Variants in BMERB1 observed in about 807,000 individuals in gnomAD.
BMERB1 encodes bMERB domain-containing protein 1.
In BMERB1, 12 loss-of-function variants were observed where a neutral mutation model predicts 23.6. That is an observed-to-expected ratio of 0.51 (90% confidence interval 0.33 to 0.82). The LOEUF is 0.82. Ranked by LOEUF, BMERB1 falls within the 40% of genes least tolerant of loss-of-function variation. The pLI, the probability that BMERB1 is intolerant of heterozygous loss-of-function variation, is 0.03. For missense variants in BMERB1, 247 were observed against 255.4 expected (o/e 0.97, Z 0.22); for synonymous variants, 122 against 96.6 (o/e 1.26, Z -1.54).
intron 1 of BMERB1, among the ~76,000 whole-genome samples, chr16:15,443,580 C>T (rs2050959794): frequency 6.6e-6 from 1 of 151,894 alleles, no homozygotes; most frequent in Admixed American, 6.6e-5. Context: ...AAAAAATCCA[C>T]CGCAACTTAT....
chr16:15,550,942 G>A (rs2030071315), intron 2 of BMERB1, among the ~76,000 whole-genome samples: 1 of 152,208 alleles, frequency 6.6e-6, no homozygotes, highest in African/African-American at 2.4e-5. Context: ...CAGCTTGAGA[G>A]GAGGGATGGA....
At chr16:15,496,619 A>G (rs920701449) in intron 1 of BMERB1, among the ~76,000 whole-genome samples, 7 of 151,930 alleles carry the variant, frequency 4.6e-5, no homozygotes, top group African/African-American at 1.5e-4. Context: ...GCTCACTACA[A>G]GCTCCGCCTC....
intron 1 of BMERB1, among the ~76,000 whole-genome samples, chr16:15,480,443 G>T (rs2051310071): frequency 6.6e-6 from 1 of 151,580 alleles, no homozygotes; most frequent in Admixed American, 6.6e-5. Flanking sequence ...TTTCTCATGT[G>T]AATAACCAGT....
At chr16:15,550,978 G>A (rs56292416) in intron 2 of BMERB1, among the ~76,000 whole-genome samples, 9,100 of 152,222 alleles carry the variant, frequency 0.06, 307 homozygotes, top group Middle Eastern at 0.11. Context: ...GGTGGATTTG[G>A]GGGAGAGGAC....
At chr16:15,436,256 GC>G (rs2050887187) in intron 1 of BMERB1, among the ~76,000 whole-genome samples, 1 of 108,680 alleles carries the variant, frequency 9.2e-6, no homozygotes, top group Non-Finnish European at 1.8e-5. Context: ...TTTTAGTTTA[GC>G]TTTTTTTTTT....
At chr16:15,469,686 A>T (rs1314580047) in intron 1 of BMERB1, among the ~76,000 whole-genome samples, 1 of 152,172 alleles carries the variant, frequency 6.6e-6, no homozygotes, top group Admixed American at 6.5e-5. Context: ...AAATTTCAGC[A>T]TACATATCCT....
rs115464441 is a variant in BMERB1 at position 15,469,347 on chromosome 16, T to C, written c.106+34588T>C. On this transcript the variant is annotated intron_variant, in intron 1 of 5. Transcript: ENST00000300006. ...CTCTGTTCTGTTCCCTCAATCTATA[T>C]GTGTATTCTTCCACCAGTAACACAG... Among the ~76,000 whole-genome samples, 458 of 152,318 alleles carry C rather than the reference T, an allele frequency of 3.0e-3. 2 individuals are homozygous for C. The highest frequency in any genetic ancestry group is 8.7e-3 in the African/African-American group (361 of 41,568).
intron 1 of BMERB1, among the ~76,000 whole-genome samples, chr16:15,512,811 G>C (rs982005805): frequency 3.3e-5 from 5 of 151,804 alleles, no homozygotes; most frequent in Non-Finnish European, 4.4e-5. Flanking sequence ...TCCGGGAGGC[G>C]GAGGTTGCAG....
intron 1 of BMERB1, among the ~76,000 whole-genome samples, chr16:15,510,709 C>CT (rs896717340): frequency 0.019 from 2,777 of 146,492 alleles, 81 homozygotes; most frequent in African/African-American, 0.063. Context: ...TATTAATTAT[C>CT]TTTTTTTTTT....
chr16:15,503,530 C>A (rs965780677), intron 1 of BMERB1, among the ~76,000 whole-genome samples: 3 of 151,022 alleles, frequency 2.0e-5, no homozygotes, highest in Admixed American at 6.6e-5. Flanking sequence ...GATCTCCTGA[C>A]CTCGTGATCC....
At chr16:15,560,796 A>G (rs895265857) in intron 2 of BMERB1, among the ~76,000 whole-genome samples, 4 of 151,480 alleles carry the variant, frequency 2.6e-5, no homozygotes, top group Non-Finnish European at 5.9e-5. Context: ...CCATCTCAAA[A>G]TAAAATAAAA....
chr16:15,473,403 G>A (rs1199485336), intron 1 of BMERB1, among the ~76,000 whole-genome samples: 3 of 151,118 alleles, frequency 2.0e-5, no homozygotes, highest in African/African-American at 7.3e-5. Flanking sequence ...TGCTTCTCAT[G>A]TCTCAGCCTC....
intron 1 of BMERB1, among the ~76,000 whole-genome samples, chr16:15,463,454 G>A (rs904845542): frequency 6.6e-6 from 1 of 152,108 alleles, no homozygotes; most frequent in African/African-American, 2.4e-5. Context: ...GTCAGGTTCA[G>A]TGTGGAGAGT....
chr16:15,483,769 C>T (rs542603332), intron 1 of BMERB1, among the ~76,000 whole-genome samples: 1 of 152,262 alleles, frequency 6.6e-6, no homozygotes, highest in South Asian at 2.1e-4. Flanking sequence ...CCCTTGCATA[C>T]TTACCTATAA....
At chr16:15,573,841 A>G (rs1001811907) in intron 3 of BMERB1, among the ~76,000 whole-genome samples, 11 of 148,348 alleles carry the variant, frequency 7.4e-5, no homozygotes, top group Non-Finnish European at 1.6e-4. Context: ...GCCTCAGGAA[A>G]CTTACAATCA....
At chr16:15,474,660 A>C (rs527838589) in intron 1 of BMERB1, among the ~76,000 whole-genome samples, 8 of 151,640 alleles carry the variant, frequency 5.3e-5, no homozygotes, top group Admixed American at 1.3e-4. Flanking sequence ...GATTTCAGTC[A>C]TGAGCCACTG....
At chr16:15,574,285 C>G (rs2030804867) in intron 3 of BMERB1, among the ~76,000 whole-genome samples, 1 of 152,140 alleles carries the variant, frequency 6.6e-6, no homozygotes, top group Non-Finnish European at 1.5e-5. Context: ...GTCACCTCCA[C>G]CTGGTCTCTC....
chr16:15,587,119 T>TACA lies in BMERB1; in HGVS notation c.*290_*291insACA. On this transcript the variant is annotated 3_prime_UTR_variant, in exon 6 of 6. Coordinates refer to ENST00000300006, the MANE Select transcript of BMERB1 (RefSeq NM_033201.3). ...AAAGGTCCTCCCTCAAAAAAGCATA[T>TACA]CTCCACTTCTCTCTAGCTGTATCTA... 1 of 408,330 alleles carries TACA rather than the reference T, an allele frequency of 2.4e-6. No individual in the cohort carries two copies. Among genetic ancestry groups the TACA allele is most frequent in the Non-Finnish European group, 4.4e-6 (1 of 225,726 alleles). 25.3% of individuals were successfully genotyped at this position (408,330 alleles called of 1,614,324 possible). A position where few individuals can be genotyped will look rare whatever the true frequency, so the allele number is the denominator to read the frequency against.
intron 2 of BMERB1, among the ~76,000 whole-genome samples, chr16:15,521,906 C>T (rs1244888865): frequency 1.3e-5 from 2 of 152,212 alleles, no homozygotes; most frequent in Non-Finnish European, 2.9e-5. Flanking sequence ...CCCCATCTTA[C>T]TGCAGGCAAG....
Sources: gnomAD v4.1 joint callset for allele counts (sites outside exome capture counted in the v4.1 genomes callset) on GRCh38, gnomAD v4.1.1 for gene constraint, MANE v1.5 for transcripts, NCBI Gene and HGNC (gene_info 2026-07-23, HGNC 2026-07-21) for gene names.